The following PI15 variants were observed in gnomAD, a reference collection of about 807,000 sequenced individuals.
The protein encoded by PI15 is peptidase inhibitor 15, also known as 25 kDa trypsin inhibitor.
In PI15, 18 loss-of-function variants were observed where a neutral mutation model predicts 31.0. The ratio of observed to expected loss-of-function variants is 0.58; its 90% confidence interval spans 0.40 to 0.86. The LOEUF is 0.86. Among genes scored for constraint, PI15 ranks in the 40% least tolerant of loss-of-function variants. PI15 has a pLI of 0.00. For synonymous variants in PI15, 118 were observed against 119.1 expected (o/e 0.99, Z 0.06); for missense variants, 282 against 328.1 (o/e 0.86, Z 1.09).
chr8:74,841,109 T>G (rs7011233), intron 2 of PI15, among the ~76,000 whole-genome samples: 2,254 of 152,208 alleles, frequency 0.015, 56 homozygotes, highest in African/African-American at 0.051. Flanking sequence ...TGCCTTAATT[T>G]TTATTACTTA....
chr8:74,832,639 A>C (rs1348126337), intron 2 of PI15, among the ~76,000 whole-genome samples: 1 of 152,130 alleles, frequency 6.6e-6, no homozygotes, highest in African/African-American at 2.4e-5. Context: ...AATAGTATGA[A>C]GTGGGCACAG....
chr8:74,825,580 C>G, intron 2 of PI15, 58 bp downstream of exon 2: 2 of 1,393,150 alleles, frequency 1.4e-6, no homozygotes, highest in South Asian at 1.3e-5. Flanking sequence ...TTATATTGTA[C>G]ATCTGCAGAA....
At chr8:74,831,739 G>C (rs1047060882) in intron 2 of PI15, among the ~76,000 whole-genome samples, 2 of 152,064 alleles carry the variant, frequency 1.3e-5, no homozygotes, top group African/African-American at 2.4e-5. Context: ...GGTAGGGAAG[G>C]CTTCCAGAAG....
At chr8:74,840,934 A>G (rs1374485356) in intron 2 of PI15, among the ~76,000 whole-genome samples, 3 of 152,192 alleles carry the variant, frequency 2.0e-5, no homozygotes, top group African/African-American at 7.2e-5. Context: ...TTTTCTTCAC[A>G]TCTAAGTTCC....
intron 2 of PI15, among the ~76,000 whole-genome samples, chr8:74,833,239 T>C (rs1810813414): frequency 6.6e-6 from 1 of 152,166 alleles, no homozygotes; most frequent in Non-Finnish European, 1.5e-5. Context: ...GTGGGTACTA[T>C]AGTTCCCTGG....
chr8:74,844,233 C>T (rs562741658), intron 3 of PI15, 134 bp downstream of exon 3: 50 of 672,696 alleles, frequency 7.4e-5, no homozygotes, highest in African/African-American at 6.8e-4. Flanking sequence ...GGTACTAACG[C>T]TTGGCCTATG....
intron 2 of PI15, among the ~76,000 whole-genome samples, chr8:74,832,142 C>A (rs1305772391): frequency 2.0e-5 from 3 of 152,084 alleles, no homozygotes. Context: ...ATGTAAGGTA[C>A]AAATCCATAG....
intron 2 of PI15, among the ~76,000 whole-genome samples, chr8:74,838,493 G>A (rs753247683): frequency 9.9e-5 from 15 of 152,092 alleles, no homozygotes; most frequent in African/African-American, 3.6e-4. Context: ...TGCGAGGTTT[G>A]GGGTATAATT....
At chr8:74,827,274 A>G (rs1810713251) in intron 2 of PI15, among the ~76,000 whole-genome samples, 1 of 148,594 alleles carries the variant, frequency 6.7e-6, no homozygotes, top group Admixed American at 6.7e-5. Context: ...CTAACCAATC[A>G]AAGAATGCAA....
chr8:74,836,287 G>A (rs1367024108), intron 2 of PI15, among the ~76,000 whole-genome samples: 2 of 152,020 alleles, frequency 1.3e-5, no homozygotes, highest in Non-Finnish European at 2.9e-5. Flanking sequence ...GTCCACCATA[G>A]TTAGCTGATT....
At chr8:74,839,697 C>T (rs765651430) in intron 2 of PI15, among the ~76,000 whole-genome samples, 52 of 152,060 alleles carry the variant, frequency 3.4e-4, no homozygotes, top group Non-Finnish European at 7.1e-4. Context: ...ATAAGAGCTC[C>T]GTATATATTA....
chr8:74,837,947 ATT>A (rs1810893366), intron 2 of PI15, among the ~76,000 whole-genome samples: 1 of 152,124 alleles, frequency 6.6e-6, no homozygotes, highest in Non-Finnish European at 1.5e-5. Flanking sequence ...CATAATTAAT[ATT>A]CTTTTTTCCT....
intron 2 of PI15, among the ~76,000 whole-genome samples, chr8:74,829,761 G>C (rs540521420): frequency 6.6e-6 from 1 of 152,190 alleles, no homozygotes; most frequent in South Asian, 2.1e-4. Context: ...CCATGGAGGA[G>C]TTGAAGAAGG....
intron 1 of PI15, chr8:74,824,995 T>G (rs1810670719): frequency 2.1e-6 from 1 of 478,366 alleles, no homozygotes; most frequent in African/African-American, 1.9e-5. Flanking sequence ...TATTTTTCTC[T>G]GCTATACAAA....
At chr8:74,826,919 A>T (rs893359328) in intron 2 of PI15, among the ~76,000 whole-genome samples, 3 of 152,106 alleles carry the variant, frequency 2.0e-5, no homozygotes, top group Non-Finnish European at 4.4e-5. Flanking sequence ...CTCATTCAAG[A>T]TCTAAAGACA....
intron 2 of PI15, among the ~76,000 whole-genome samples, chr8:74,836,472 C>T (rs1810874031): frequency 6.6e-6 from 1 of 152,012 alleles, no homozygotes; most frequent in African/African-American, 2.4e-5. Flanking sequence ...CAATTTGGAA[C>T]AATACCATCA....
Position 74,845,245 on chromosome 8 carries a change from C to T in PI15, c.510C>T (p.Cys170=), listed in dbSNP as rs761324541. The stretch of plus-strand genomic sequence containing the variant: ...CTATGAGATGTTTTGGTCCCATGTG[C>T]ACACATTATACGCAGGTTATTTCAA... ...RCPMRCFGPM[C]THYTQMVWAT... Residue 170 remains cysteine (C), a synonymous_variant, in exon 4 of 6, where the codon TGC becomes TGT. Coordinates refer to ENST00000260113, the MANE Select transcript of PI15 (RefSeq NM_015886.5). 16 of 1,613,432 alleles carry T rather than the reference C, an allele frequency of 9.9e-6. No individual in the cohort carries two copies. In the Admixed American group the frequency reaches 2.7e-4, roughly 27 times the overall value.
intron 2 of PI15, among the ~76,000 whole-genome samples, chr8:74,837,366 C>T (rs535972543): frequency 1.3e-5 from 2 of 152,184 alleles, no homozygotes; most frequent in African/African-American, 4.8e-5. Flanking sequence ...TCTGCCCCAC[C>T]CTCCCCTTCC....
intron 2 of PI15, among the ~76,000 whole-genome samples, chr8:74,838,712 T>G (rs1438129597): frequency 6.6e-6 from 1 of 152,176 alleles, no homozygotes; most frequent in Non-Finnish European, 1.5e-5. Context: ...ATTTCTACAT[T>G]TAATTTTTAT....
Sources: allele counts gnomAD v4.1 joint callset (sites outside exome capture counted in the v4.1 genomes callset), GRCh38; gene constraint gnomAD v4.1.1; transcripts MANE v1.5; gene names NCBI Gene and HGNC (gene_info 2026-07-23, HGNC 2026-07-21).